Variants in CNNM1 observed in about 807,000 individuals in gnomAD.
The protein encoded by CNNM1 is cyclin and CBS domain divalent metal cation transport mediator 1, also known as metal transporter CNNM1.
A neutral mutation model predicts 78.8 loss-of-function variants in CNNM1; 44 were observed. The ratio of observed to expected loss-of-function variants is 0.56; its 90% CI spans 0.44 to 0.72. The LOEUF (loss-of-function observed/expected upper bound fraction) is 0.72, where lower values mean the gene tolerates loss of function less well. CNNM1 is among the 30% of genes least tolerant of loss of function. CNNM1 has a pLI of 0.00. For missense variants in CNNM1, 1,101 were observed against 1,292.2 expected (o/e 0.85, Z 2.27); for synonymous variants, 584 against 581.5 (o/e 1.00, Z -0.06).
intron 9 of CNNM1, among the ~76,000 whole-genome samples, chr10:99,389,434 A>AT (rs1385276907): frequency 6.6e-6 from 1 of 151,928 alleles, no homozygotes; most frequent in East Asian, 1.9e-4. Context: ...AAAAAAAAAA[A>AT]AAAAATTTAA....
intron 1 of CNNM1, among the ~76,000 whole-genome samples, chr10:99,347,599 A>ACACACACACACACACACACACACACACAC (rs1564942665): frequency 1.3e-5 from 2 of 151,630 alleles, no homozygotes; most frequent in Non-Finnish European, 2.9e-5. Flanking sequence ...ACACACACAC[A>ACACACACACACACACACACACACACACAC]AATGTTGCAA....
At chr10:99,388,076 C>T (rs575168597) in intron 8 of CNNM1, 73 bp downstream of exon 8, 12 of 1,593,414 alleles carry the variant, frequency 7.5e-6, no homozygotes, top group Non-Finnish European at 7.7e-6. Context: ...TCTTCTAGCC[C>T]TTCCCAGGGC....
rs775162583 is a variant in CNNM1, at chr10:99,360,890, C to T, written c.1773C>T (p.Phe591=). 4 of 1,613,220 alleles carry T rather than the reference C, an allele frequency of 2.5e-6. No individual in the cohort carries two copies. Among genetic ancestry groups the T allele is most frequent in the Admixed American group, 3.3e-5 (2 of 59,998 alleles). The change falls in exon 3 of 11, where the codon TTC becomes TTT. Residue 591 remains phenylalanine, a synonymous_variant. Coordinates refer to ENST00000356713, the MANE Select transcript of CNNM1 (RefSeq NM_020348.3). ...VPQRERKRHD[F]SLFKLSDTEM... is the part of the protein sequence containing the mutation. ...AACGGGAGCGGAAGCGGCATGACTT[C>T]TCCTTGTTTAAGCTTTCGGACACGG...
At chr10:99,343,720 GT>G (rs746730524) in intron 1 of CNNM1, among the ~76,000 whole-genome samples, 5 of 151,104 alleles carry the variant, frequency 3.3e-5, no homozygotes, top group South Asian at 2.1e-4. Flanking sequence ...GTTTTGTTTT[GT>G]TTTTTTGTTT....
At chr10:99,344,019 G>A (rs140367686) in intron 1 of CNNM1, among the ~76,000 whole-genome samples, 76 of 146,048 alleles carry the variant, frequency 5.2e-4, no homozygotes, top group Middle Eastern at 3.5e-3. Flanking sequence ...CACTGTGCCC[G>A]GCCTATTCCC....
chr10:99,362,685 G>C (rs1269133762), intron 4 of CNNM1, among the ~76,000 whole-genome samples: 2 of 152,148 alleles, frequency 1.3e-5, no homozygotes, highest in Non-Finnish European at 2.9e-5. Flanking sequence ...TTCCAGAACT[G>C]CTGCTCTGCG....
Position 99,390,404 on chromosome 10 carries a change from TTGAG to T in CNNM1, c.2776+3_2776+6del, listed in dbSNP as rs772888296. 2.5e-6 allele frequency: 4 copies of T among 1,608,964 alleles called. No homozygotes were observed. The highest frequency in any genetic ancestry group is 1.7e-6 in the Non-Finnish European group (2 of 1,176,812). ...CGTGGGCAAGAAGCTGCTGAGAACC[TTGAG>T]TGAGTAGCTAGTTCTTCACCCAAAT... is the stretch of plus-strand genomic sequence containing the variant. On this transcript the variant is annotated splice_donor_variant and coding_sequence_variant, in exon 10 of 11. Transcript: ENST00000356713. LOFTEE classifies it high-confidence loss of function.
chr10:99,331,422 T>C (rs796999622), intron 1 of CNNM1, among the ~76,000 whole-genome samples: 5 of 152,358 alleles, frequency 3.3e-5, no homozygotes, highest in African/African-American at 9.6e-5. Context: ...CTCCAGTGGC[T>C]GACAATGTTT....
chr10:99,364,499 T>A lies in CNNM1; in HGVS notation c.2111T>A (p.Met704Lys). 1.9e-6 allele frequency: 3 copies of A among 1,611,580 alleles called. No homozygotes were observed. The highest frequency in any genetic ancestry group is 2.5e-6 in the Non-Finnish European group (3 of 1,178,904). Residue 704 changes from methionine to lysine, a missense_variant, in exon 5 of 11, where the codon ATG becomes AAG. Met to Lys is a moderately conservative substitution (Grantham distance 95). Transcript: ENST00000356713. The part of the protein sequence containing the change: ...AFTYYGVPAI[M>K]TTACSDNDVR... ...ACTTACTATGGCGTCCCAGCCATCA[T>A]GACCACTGCTTGCTCAGGTATTCTA... is the stretch of plus-strand genomic sequence containing the variant.
At chr10:99,365,525 G>T (rs181016023) in intron 6 of CNNM1, among the ~76,000 whole-genome samples, 53 of 152,298 alleles carry the variant, frequency 3.5e-4, no homozygotes, top group African/African-American at 1.2e-3. Context: ...AGAGGTATCT[G>T]CCAGCTGGCT....
At chr10:99,347,948 C>T (rs1040688624) in intron 1 of CNNM1, among the ~76,000 whole-genome samples, 1 of 152,070 alleles carries the variant, frequency 6.6e-6, no homozygotes, top group Non-Finnish European at 1.5e-5. Flanking sequence ...CACTCCCACA[C>T]ACTCCCTCAT....
rs2031538795 is a variant in CNNM1, at chr10:99,364,366, C to T, written c.2029-51C>T. 2.2e-6 allele frequency: 3 copies of T among 1,370,974 alleles called. No homozygotes were observed. In the East Asian group the frequency reaches 7.2e-5, roughly 33 times the overall value. 84.9% of individuals were successfully genotyped at this position (1,370,974 alleles called of 1,614,324 possible). A position where few individuals can be genotyped will look rare whatever the true frequency, so the allele number is the denominator to read the frequency against. On this transcript the variant is annotated intron_variant, in intron 4 of 10. Transcript: ENST00000356713. ...CTTAGGATTCGAGTCAATAGTAGAA[C>T]TGGAAGTGCTCATACACATTCATAG...
At chr10:99,363,475 T>C (rs1360397280) in intron 4 of CNNM1, among the ~76,000 whole-genome samples, 1 of 152,174 alleles carries the variant, frequency 6.6e-6, no homozygotes, top group African/African-American at 2.4e-5. Flanking sequence ...CTCAGAAATT[T>C]GAAAAATATG....
chr10:99,385,561 C>T (rs2032282706), intron 7 of CNNM1, among the ~76,000 whole-genome samples: 1 of 152,134 alleles, frequency 6.6e-6, no homozygotes, highest in Non-Finnish European at 1.5e-5. Context: ...GAAATGTATG[C>T]CCATTATAAA....
Position 99,357,615 on chromosome 10 carries a change from G to A in CNNM1, c.1677G>A (p.Glu559=). The A allele has an allele frequency of 6.2e-7, 1 of 1,613,318 alleles. No individual in the cohort carries two copies. The highest frequency in any genetic ancestry group is 2.2e-5 in the East Asian group (1 of 44,846). The change falls in exon 2 of 11, where the codon GAG becomes GAA. Residue 559 remains glutamate (E), a synonymous_variant. Coordinates refer to ENST00000356713, the MANE Select transcript of CNNM1 (RefSeq NM_020348.3). ...TCACGCTGGAGGATATCATAGAGGA[G>A]ATTATCAAGTCGGAGATCCTGGATG... ...GIVTLEDIIE[E]IIKSEILDET...
chr10:99,349,240 A>T (rs946085040), intron 1 of CNNM1, among the ~76,000 whole-genome samples: 3 of 152,174 alleles, frequency 2.0e-5, no homozygotes, highest in African/African-American at 7.2e-5. Flanking sequence ...CATTAGAATC[A>T]CCTGAAGAAG....
In CNNM1 at chr10:99,390,169, G is replaced by A. The variant is rs747038117; in HGVS notation, c.2675-137G>A. The A allele has an allele frequency of 6.0e-4, 372 of 621,944 alleles. 1 individual carries two copies. Among genetic ancestry groups the A allele is most frequent in the Admixed American group, 1.3e-3 (50 of 38,738 alleles). The allele number at this position is 621,944 out of a possible 1,614,324, so 38.5% of individuals were successfully genotyped here. On this transcript the variant is annotated intron_variant, in intron 9 of 10. Transcript: ENST00000356713. ...ACCCTGTACTTCCCTGGGCGTCCCT[G>A]CCTTGTTACACCACCCTCACCTTGG...
At chr10:99,361,897 G>A (rs925471639) in intron 3 of CNNM1, among the ~76,000 whole-genome samples, 2 of 152,296 alleles carry the variant, frequency 1.3e-5, no homozygotes, top group South Asian at 4.1e-4. Context: ...AGTCTTTGTT[G>A]TTTATGTGGC....
intron 1 of CNNM1, among the ~76,000 whole-genome samples, chr10:99,340,795 T>C (rs1481400635): frequency 4.4e-4 from 67 of 151,126 alleles, no homozygotes; most frequent in South Asian, 2.1e-4. Flanking sequence ...TTTCTTTCTT[T>C]CTTACTTTCT....
Sources: gnomAD v4.1 joint callset for allele counts (sites outside exome capture counted in the v4.1 genomes callset) on GRCh38, gnomAD v4.1.1 for gene constraint, MANE v1.5 for transcripts, NCBI Gene and HGNC (gene_info 2026-07-23, HGNC 2026-07-21) for gene names.